Variants in AFF3 observed in about 807,000 individuals in gnomAD.
The protein encoded by AFF3 is AF4/FMR2 family member 3.
Under a neutral mutation model 129.7 loss-of-function variants are expected in AFF3, and 32 were observed. That is an observed-to-expected ratio of 0.25 (90% CI 0.19 to 0.33). AFF3 has a LOEUF of 0.33. Ranked by LOEUF, AFF3 falls within the 10% of genes least tolerant of loss-of-function variation. AFF3 has a pLI of 1.00. For synonymous variants in AFF3, 644 were observed against 635.4 expected (o/e 1.01, Z -0.20); for missense variants, 1,373 against 1,592.0 (o/e 0.86, Z 2.34).
At chr2:99,758,804 C>T (rs377418658) in intron 8 of AFF3, among the ~76,000 whole-genome samples, 11 of 152,186 alleles carry the variant, frequency 7.2e-5, no homozygotes, top group African/African-American at 2.6e-4. Context: ...CTGATTAGTC[C>T]AAGGTCACTC....
At chr2:99,668,866 A>G (rs1268772592) in intron 12 of AFF3, among the ~76,000 whole-genome samples, 2 of 152,202 alleles carry the variant, frequency 1.3e-5, no homozygotes, top group South Asian at 2.1e-4. Flanking sequence ...CCGACCTAAC[A>G]TCATTTTTTA....
At chr2:99,978,529 C>T (rs541777601) in intron 7 of AFF3, among the ~76,000 whole-genome samples, 8 of 152,264 alleles carry the variant, frequency 5.3e-5, no homozygotes, top group Non-Finnish European at 8.8e-5. Flanking sequence ...ATCGGGATAA[C>T]GGGAACATCA....
chr2:99,700,827 A>G (rs1417426720), intron 11 of AFF3, among the ~76,000 whole-genome samples: 1 of 152,212 alleles, frequency 6.6e-6, no homozygotes, highest in Non-Finnish European at 1.5e-5. Flanking sequence ...GGAAGCACAG[A>G]AGGAGGAACA....
chr2:99,585,307 A>C (rs1408332043), intron 16 of AFF3, among the ~76,000 whole-genome samples: 1 of 152,212 alleles, frequency 6.6e-6, no homozygotes, highest in Admixed American at 6.5e-5. Context: ...TATATATTCA[A>C]GTTGGCCAAA....
intron 4 of AFF3, among the ~76,000 whole-genome samples, chr2:100,011,070 C>T (rs1382290146): frequency 6.6e-6 from 1 of 152,090 alleles, no homozygotes; most frequent in African/African-American, 2.4e-5. Context: ...GTCAGGAGAT[C>T]GAGGCCATCC....
intron 2 of AFF3, among the ~76,000 whole-genome samples, chr2:100,126,376 G>T (rs1350854904): frequency 2.6e-5 from 4 of 152,188 alleles, no homozygotes. Context: ...AAAGATATGG[G>T]CTCTATTCTG....
chr2:99,644,300 A>C (rs1252233221), intron 13 of AFF3, among the ~76,000 whole-genome samples: 2 of 152,170 alleles, frequency 1.3e-5, no homozygotes, highest in East Asian at 3.8e-4. Context: ...GTGCCCTCCA[A>C]GTGCCATCGC....
At chr2:99,595,721 AAG>A (rs1177382145) in intron 14 of AFF3, among the ~76,000 whole-genome samples, 1 of 152,208 alleles carries the variant, frequency 6.6e-6, no homozygotes, top group African/African-American at 2.4e-5. Context: ...GAAGGGGAAT[AAG>A]AGGGCTGTAT....
intron 7 of AFF3, among the ~76,000 whole-genome samples, chr2:100,000,329 G>A (rs542192337): frequency 6.6e-6 from 1 of 152,240 alleles, no homozygotes; most frequent in Admixed American, 6.5e-5. Flanking sequence ...CGCAGAAAAA[G>A]AGAGAAAAGG....
intron 7 of AFF3, among the ~76,000 whole-genome samples, chr2:99,968,631 T>A (rs1363392392): frequency 6.6e-6 from 1 of 152,168 alleles, no homozygotes; most frequent in Non-Finnish European, 1.5e-5. Context: ...TGAAATAATT[T>A]AGCATGCAGG....
At chr2:99,729,774 C>T (rs1332260930) in intron 10 of AFF3, among the ~76,000 whole-genome samples, 5 of 151,286 alleles carry the variant, frequency 3.3e-5, no homozygotes, top group African/African-American at 7.3e-5. Context: ...GCCCCCTGCC[C>T]GCCCCACCAT....
intron 4 of AFF3, among the ~76,000 whole-genome samples, chr2:100,058,620 A>G (rs987398979): frequency 2.0e-5 from 3 of 152,140 alleles, no homozygotes; most frequent in African/African-American, 7.2e-5. Flanking sequence ...GCCTCTACCA[A>G]AATTACATAC....
chr2:99,970,338 C>G (rs1351794658), intron 7 of AFF3, among the ~76,000 whole-genome samples: 3 of 152,130 alleles, frequency 2.0e-5, no homozygotes, highest in Non-Finnish European at 4.4e-5. Flanking sequence ...CAAACAATCA[C>G]AGATCTTCTA....
In AFF3 at chr2:99,545,600, T is replaced by C. The variant is rs1047922551; in HGVS notation, c.*5874A>G. 9 of 153,870 alleles carry C rather than the reference T, an allele frequency of 5.8e-5. No individual in the cohort carries two copies. The highest frequency in any genetic ancestry group is 1.9e-4 in the African/African-American group (8 of 41,502). The allele number at this position is 153,870 out of a possible 1,614,324, so 9.5% of individuals were successfully genotyped here. A position where few individuals can be genotyped will look rare whatever the true frequency, so the allele number is the denominator to read the frequency against. ...GATTCAGCTTTTCAGGCTACATCAATACCCCTGGTGCTTCAACACAAATGC... is the reference window on the plus strand; with the variant it reads ...GATTCAGCTTTTCAGGCTACATCAACACCCCTGGTGCTTCAACACAAATGC... On this transcript the variant is annotated 3_prime_UTR_variant, in exon 25 of 25. Coordinates refer to ENST00000672756, the MANE Select transcript of AFF3 (RefSeq NM_001386135.1).
At chr2:99,821,242 A>T (rs536254043) in intron 8 of AFF3, among the ~76,000 whole-genome samples, 1 of 152,310 alleles carries the variant, frequency 6.6e-6, no homozygotes, top group Admixed American at 6.5e-5. Flanking sequence ...ATCTCCTAGG[A>T]CAACAATGCC....
intron 4 of AFF3, among the ~76,000 whole-genome samples, chr2:100,020,943 G>C (rs1327409079): frequency 1.3e-5 from 2 of 152,224 alleles, no homozygotes; most frequent in African/African-American, 2.4e-5. Flanking sequence ...CCTGCCCTCA[G>C]GATAGCATCT....
At chr2:99,607,963 G>A (rs140193583) in intron 13 of AFF3, among the ~76,000 whole-genome samples, 99 of 152,162 alleles carry the variant, frequency 6.5e-4, no homozygotes, top group African/African-American at 2.3e-3. Flanking sequence ...AAGAATTGTC[G>A]TCTAAAAAAA....
chr2:99,774,107 C>T (rs924335817), intron 8 of AFF3, among the ~76,000 whole-genome samples: 1 of 152,216 alleles, frequency 6.6e-6, no homozygotes, highest in Non-Finnish European at 1.5e-5. Context: ...AATGGAAAAA[C>T]ATTCCATGCT....
At position 99,551,351 on chromosome 2, in the gene AFF3, T is replaced by A; in HGVS notation, c.*123A>T. On this transcript the variant is annotated 3_prime_UTR_variant, in exon 25 of 25. Transcript: ENST00000672756. ...TGCCCTGCAAAAGATCATTGTTCAA[T>A]GCTGAGGAAATGTTCACCGCAGTCT... is the stretch of plus-strand genomic sequence containing the variant. 7.4e-7 allele frequency: 1 copy of A among 1,344,628 alleles called. No individual in the cohort carries two copies. The highest frequency in any genetic ancestry group is 1.0e-6 in the Non-Finnish European group (1 of 988,280). 83.3% of individuals were successfully genotyped at this position (1,344,628 alleles called of 1,614,324 possible).
Sources: allele counts gnomAD v4.1 joint callset (sites outside exome capture counted in the v4.1 genomes callset), GRCh38; gene constraint gnomAD v4.1.1; transcripts MANE v1.5; gene names NCBI Gene and HGNC (gene_info 2026-07-23, HGNC 2026-07-21).